TRIM25: variants seen among roughly 807,000 people sequenced by gnomAD.
The protein encoded by TRIM25 is E3 ubiquitin/ISG15 ligase TRIM25.
Under a neutral mutation model 65.2 loss-of-function variants are expected in TRIM25, and 45 were observed. That is an observed-to-expected ratio of 0.69 (90% CI 0.54 to 0.89). The LOEUF is 0.89. TRIM25 is among the 40% of genes least tolerant of loss of function. The pLI is 0.00. For missense variants in TRIM25, 714 were observed against 803.7 expected (o/e 0.89, Z 1.35); for synonymous variants, 321 against 340.4 (o/e 0.94, Z 0.63).
chr17:56,906,662 T>A (rs1909526569), intron 2 of TRIM25, among the ~76,000 whole-genome samples: 1 of 152,018 alleles, frequency 6.6e-6, no homozygotes, highest in Non-Finnish European at 1.5e-5. Context: ...CCCGGCTAAT[T>A]TTTTGTATTT....
intron 4 of TRIM25, among the ~76,000 whole-genome samples, chr17:56,900,770 G>A (rs764642322): frequency 1.4e-4 from 22 of 152,210 alleles, no homozygotes; most frequent in Non-Finnish European, 3.2e-4. Context: ...GCTTGACCTG[G>A]CATCTAGACC....
At position 56,904,343 on chromosome 17, in the gene TRIM25, A is replaced by T; in HGVS notation, c.839T>A (p.Ile280Asn). ...VNSKFDTIYQ[I>N]LLKKKSEIQT... ...GATCTCACTCTTCTTCTTGAGGAGA[A>T]TCTGATAAATGGTGTCAAACTTGCT... Residue 280 changes from isoleucine (I) to asparagine (N), a missense_variant, in exon 3 of 9, where the codon ATT (isoleucine) becomes AAT (asparagine). Physicochemically the swap from Ile to Asn is moderately radical, Grantham distance 149. This residue lies in a region of TRIM25 where 413 missense variants were observed against 498.2 expected (regional missense o/e 0.83). Coordinates refer to ENST00000316881, the MANE Select transcript of TRIM25 (RefSeq NM_005082.5). The T allele has an allele frequency of 6.2e-7, 1 of 1,614,038 alleles. No homozygotes were observed. The highest frequency in any genetic ancestry group is 8.5e-7 in the Non-Finnish European group (1 of 1,180,012).
At chr17:56,898,116 G>A (rs917816266) in intron 5 of TRIM25, among the ~76,000 whole-genome samples, 1 of 152,200 alleles carries the variant, frequency 6.6e-6, no homozygotes, top group African/African-American at 2.4e-5. Flanking sequence ...AGTGGTATAT[G>A]GACATGTCAG....
At chr17:56,908,795 C>T (rs1909571282) in intron 1 of TRIM25, 1 of 491,470 alleles carries the variant, frequency 2.0e-6, no homozygotes, top group Non-Finnish European at 3.7e-6. Context: ...GGGTTCCAGT[C>T]CCAACTCCCA....
intron 1 of TRIM25, among the ~76,000 whole-genome samples, chr17:56,911,462 C>A (rs1909626359): frequency 6.6e-6 from 1 of 151,972 alleles, no homozygotes; most frequent in East Asian, 1.9e-4. Context: ...GGCCTGTAGT[C>A]CCAGCTGCTC....
intron 5 of TRIM25, among the ~76,000 whole-genome samples, chr17:56,897,538 C>T (rs1248486164): frequency 1.3e-5 from 2 of 152,150 alleles, no homozygotes; most frequent in African/African-American, 2.4e-5. Context: ...CAGGCTGTGA[C>T]ATCAATCTAG....
chr17:56,897,421 G>A (rs912480724), intron 5 of TRIM25, among the ~76,000 whole-genome samples: 3 of 148,082 alleles, frequency 2.0e-5, no homozygotes, highest in African/African-American at 7.5e-5. Flanking sequence ...CCTTGCTACC[G>A]CTTCTCCTAC....
Position 56,902,713 on chromosome 17 carries a change from C to T in TRIM25, c.928-1135G>A, listed in dbSNP as rs1011956115. On this transcript the variant is annotated intron_variant, in intron 3 of 8. Transcript: ENST00000316881. ...TTAAGGGACATGAGGCCAGAAACAG[C>T]AGGGGGCCCATGCTTTAGACAGATA... 1.3e-5 allele frequency among the ~76,000 whole-genome samples: 2 copies of T among 152,184 alleles called. 1 individual carries two copies. The highest frequency in any genetic ancestry group is 4.8e-5 in the African/African-American group (2 of 41,456).
At chr17:56,911,265 C>T (rs1307970579) in intron 1 of TRIM25, among the ~76,000 whole-genome samples, 1 of 151,694 alleles carries the variant, frequency 6.6e-6, no homozygotes, top group African/African-American at 2.4e-5. Flanking sequence ...GAAAACCTGT[C>T]TCTAAAAGAA....
chr17:56,901,449 C>T lies in TRIM25; in HGVS notation c.1057G>A (p.Gly353Arg), dbSNP rs1412528868. The change falls in exon 4 of 9, where the codon GGG (glycine) becomes AGG (arginine). Residue 353 changes from glycine (G) to arginine (R), a missense_variant. Physicochemically the swap from Gly to Arg is moderately radical, Grantham distance 125. Coordinates refer to ENST00000316881, the MANE Select transcript of TRIM25 (RefSeq NM_005082.5). ...CTGGGGGTGGGCTCCTGGAGCCGCC[C>T]GATGCACTGCTTCAGCTCGTTTTTG... ...DLKNELKQCI[G>R]RLQEPTPSSG... 16 of 1,613,924 alleles carry T rather than the reference C, an allele frequency of 9.9e-6. No homozygotes were observed. The highest frequency in any genetic ancestry group is 1.3e-5 in the Non-Finnish European group (15 of 1,180,008).
At position 56,891,581 on chromosome 17, in the gene TRIM25, C is replaced by T. The variant is rs755374666; in HGVS notation, c.*119G>A. ...CTCCCACCCTCCCGCCAGCTCCCCT[C>T]CCATGCTCCCAATCCTTGGGACCTC... is the stretch of plus-strand genomic sequence containing the variant. On this transcript the variant is annotated 3_prime_UTR_variant, in exon 9 of 9. Transcript: ENST00000316881. The T allele has an allele frequency of 1.6e-5, 12 of 756,754 alleles. No homozygotes were observed. Among genetic ancestry groups the T allele is most frequent in the Non-Finnish European group, 2.3e-5 (12 of 515,344 alleles). The allele number at this position is 756,754 out of a possible 1,614,324, so 46.9% of individuals were successfully genotyped here.
chr17:56,902,533 G>A (rs1199584344), intron 3 of TRIM25, among the ~76,000 whole-genome samples: 1 of 152,296 alleles, frequency 6.6e-6, no homozygotes, highest in Middle Eastern at 3.4e-3. Flanking sequence ...GGAAGGATAC[G>A]ACTCACTAGG....
chr17:56,890,037 C>A lies in TRIM25; in HGVS notation c.*1663G>T, dbSNP rs1011584707. 3.5e-5 allele frequency: 14 copies of A among 403,610 alleles called. No homozygotes were observed. Among genetic ancestry groups the A allele is most frequent in the East Asian group, 2.9e-4 (8 of 27,836 alleles). 25.0% of individuals were successfully genotyped at this position (403,610 alleles called of 1,614,324 possible). On this transcript the variant is annotated 3_prime_UTR_variant, in exon 9 of 9. Transcript: ENST00000316881. Reference sequence around the variant, plus strand: ...TGTCAGGAATATCAAGTGTTCTGAGCCTGCCTAGAGTGCCCTAGAGTTCCA... The same window carrying A: ...TGTCAGGAATATCAAGTGTTCTGAGACTGCCTAGAGTGCCCTAGAGTTCCA...
intron 2 of TRIM25, 29 bp from the exon 3 acceptor site, chr17:56,904,517 G>A (rs575754423): frequency 9.4e-6 from 15 of 1,603,270 alleles, no homozygotes; most frequent in Middle Eastern, 3.6e-4. Context: ...GAGGATGCCC[G>A]TCAAAGGGGC....
chr17:56,898,317 T>TGGTATATGGACATCTCAGC (rs1567839402), intron 5 of TRIM25, among the ~76,000 whole-genome samples: 91 of 150,238 alleles, frequency 6.1e-4, no homozygotes, highest in African/African-American at 2.2e-3. Context: ...GACATCTCAG[T>TGGTATATGGACATCTCAGC]GGTATATGGA....
chr17:56,893,701 C>A (rs768531178), intron 8 of TRIM25, among the ~76,000 whole-genome samples: 1 of 152,184 alleles, frequency 6.6e-6, no homozygotes, highest in Non-Finnish European at 1.5e-5. Context: ...GCCTTGACAA[C>A]GGAACTCCAC....
In TRIM25 at chr17:56,891,992, T is replaced by A. The variant is rs1294203146; in HGVS notation, c.1601A>T (p.Asn534Ile). Residue 534 changes from asparagine (N) to isoleucine (I), a missense_variant, in exon 9 of 9, where the codon AAC (asparagine) becomes ATC (isoleucine). By Grantham distance (149) the Asn-to-Ile change is moderately radical. Transcript: ENST00000316881. Reference sequence around the variant, plus strand: ...GAGCCTGCTTTCTGGGCCCTGCCGGTTCATGCTTCCGTAGCAGATGCCTAC... The same window carrying A: ...GAGCCTGCTTTCTGGGCCCTGCCGGATCATGCTTCCGTAGCAGATGCCTAC... ...CGVGICYGSM[N>I]RQGPESRLGR... 6 of 1,614,156 alleles carry A rather than the reference T, an allele frequency of 3.7e-6. No homozygotes were observed. Among genetic ancestry groups the A allele is most frequent in the African/African-American group, 1.3e-5 (1 of 75,034 alleles).
chr17:56,895,517 T>C lies in TRIM25; in HGVS notation c.1264+4A>G, dbSNP rs1198387186. On this transcript the variant is annotated splice_donor_region_variant and intron_variant, in intron 7 of 8. Transcript: ENST00000316881. ...CCCAAAGCTCCTTGCCCATGATAAC[T>C]TACCCTCCAAGCCAGCTTGTTTTAA... The C allele has an allele frequency of 8.1e-6, 13 of 1,612,866 alleles. No homozygotes were observed. The highest frequency in any genetic ancestry group is 9.3e-6 in the Non-Finnish European group (11 of 1,179,208).
Position 56,898,770 on chromosome 17 carries a change from T to G in TRIM25, c.1153+345A>C, listed in dbSNP as rs78302514. ...AGAAGCCCATTACAACCCAGAGACTTAACACTGCTGAGATGCCAAGGAGGT... is the reference window on the plus strand; with the variant it reads ...AGAAGCCCATTACAACCCAGAGACTGAACACTGCTGAGATGCCAAGGAGGT... On this transcript the variant is annotated intron_variant, in intron 5 of 8. Coordinates refer to ENST00000316881, the MANE Select transcript of TRIM25 (RefSeq NM_005082.5). Among the ~76,000 whole-genome samples the G allele has an allele frequency of 9.0e-3, 1,368 of 151,516 alleles. 28 individuals are homozygous for G. Among genetic ancestry groups the G allele is most frequent in the African/African-American group, 0.032 (1,305 of 41,274 alleles).
Sources: allele counts gnomAD v4.1 joint callset (sites outside exome capture counted in the v4.1 genomes callset), GRCh38; gene constraint gnomAD v4.1.1; regional missense constraint gnomAD v4.1.1; transcripts MANE v1.5; gene names NCBI Gene and HGNC (gene_info 2026-07-23, HGNC 2026-07-21).